The following EPB41L4B variants were observed in gnomAD, a reference collection of about 807,000 sequenced individuals.
The protein encoded by EPB41L4B is erythrocyte membrane protein band 4.1 like 4B.
A neutral mutation model predicts 112.5 loss-of-function variants in EPB41L4B; 30 were observed. The ratio of observed to expected loss-of-function variants is 0.27; its 90% CI spans 0.20 to 0.36. EPB41L4B has a LOEUF of 0.36. Ranked by LOEUF, EPB41L4B falls within the 10% of genes least tolerant of loss-of-function variation. The probability of loss-of-function intolerance (pLI) is 1.00; values close to 1 mark genes in which losing one functional copy is unlikely to be tolerated. For missense variants in EPB41L4B, 1,024 were observed against 1,133.3 expected (o/e 0.90, Z 1.38); for synonymous variants, 408 against 439.7 (o/e 0.93, Z 0.90).
At chr9:109,184,141 G>A (rs1832170677) in intron 23 of EPB41L4B, among the ~76,000 whole-genome samples, 1 of 152,246 alleles carries the variant, frequency 6.6e-6, no homozygotes, top group African/African-American at 2.4e-5. Flanking sequence ...TCAGCATGGT[G>A]CTCTGAGACC....
rs146864820 is a variant in EPB41L4B, at chr9:109,209,447, G to C, written c.1753-1398C>G. On this transcript the variant is annotated intron_variant, in intron 17 of 25. Transcript: ENST00000374566. ...AGGCCGGGGCGGGTGGATCACTTGA[G>C]CCCAGGAGTTGGAGACCAGCCTGGG... is the stretch of plus-strand genomic sequence containing the variant. Among the ~76,000 whole-genome samples, 612 of 151,984 alleles carry C rather than the reference G, an allele frequency of 4.0e-3. 2 individuals are homozygous for C. Among genetic ancestry groups the C allele is most frequent in the African/African-American group, 0.013 (547 of 41,464 alleles).
rs893172014 is a variant in EPB41L4B at position 109,251,879 on chromosome 9, T to C, written c.1280-368A>G. Among the ~76,000 whole-genome samples the C allele has an allele frequency of 5.3e-5, 8 of 152,110 alleles. No individual in the cohort carries two copies. In the South Asian group the frequency reaches 6.2e-4, roughly 12 times the overall value. The stretch of plus-strand genomic sequence containing the variant: ...CAGGGATGCAATATAAGCATGGGTC[T>C]GGACTGAGGGGCCTCGGGGACGCCG... On this transcript the variant is annotated intron_variant, in intron 12 of 25. Coordinates refer to ENST00000374566, the MANE Select transcript of EPB41L4B (RefSeq NM_019114.5).
intron 1 of EPB41L4B, among the ~76,000 whole-genome samples, chr9:109,286,919 A>T (rs1836308153): frequency 6.6e-6 from 1 of 152,204 alleles, no homozygotes; most frequent in African/African-American, 2.4e-5. Flanking sequence ...GTTCCCAAAC[A>T]CAGTAGACTC....
At position 109,176,629 on chromosome 9, in the gene EPB41L4B, G is replaced by T. The variant is rs370676693; in HGVS notation, c.2555C>A (p.Thr852Asn). 9 of 1,613,966 alleles carry T rather than the reference G, an allele frequency of 5.6e-6. No individual in the cohort carries two copies. The highest frequency in any genetic ancestry group is 5.9e-6 in the Non-Finnish European group (7 of 1,180,004). Residue 852 changes from threonine (T) to asparagine (N), a missense_variant, in exon 25 of 26, where the codon ACC becomes AAC. By Grantham distance (65) the Thr-to-Asn change is moderately conservative. Transcript: ENST00000374566. Reference protein sequence around the residue: ...GPTSPLIPAATLRPLTETVST... With the variant: ...GPTSPLIPAANLRPLTETVST... ...GACGGTCTCTGTCAAAGGCCTCAGGGTCGCTGCTGGGATCAGCGGGGAAGT... is the reference window on the plus strand; with the variant it reads ...GACGGTCTCTGTCAAAGGCCTCAGGTTCGCTGCTGGGATCAGCGGGGAAGT...
intron 16 of EPB41L4B, among the ~76,000 whole-genome samples, chr9:109,216,647 C>CAAAA (rs10568620): frequency 7.5e-6 from 1 of 132,592 alleles, no homozygotes; most frequent in Non-Finnish European, 1.6e-5. Context: ...GACTCCATCT[C>CAAAA]AAAAAAAAAA....
At chr9:109,293,735 T>A (rs192226519) in intron 1 of EPB41L4B, among the ~76,000 whole-genome samples, 4 of 149,476 alleles carry the variant, frequency 2.7e-5, no homozygotes, top group Admixed American at 6.6e-5. Context: ...AACTAAAAAC[T>A]GTTTTTTGAA....
At position 109,172,408 on chromosome 9, in the gene EPB41L4B, A is replaced by T. The variant is rs1831663137; in HGVS notation, c.*2146T>A. 6.6e-6 allele frequency: 1 copy of T among 152,198 alleles called. No individual in the cohort carries two copies. Among genetic ancestry groups the T allele is most frequent in the Non-Finnish European group, 1.5e-5 (1 of 68,032 alleles). 9.4% of individuals were successfully genotyped at this position (152,198 alleles called of 1,614,324 possible). A position where few individuals can be genotyped will look rare whatever the true frequency, so the allele number is the denominator to read the frequency against. The stretch of plus-strand genomic sequence containing the variant: ...TTGTATCATGTGCACAAGATAAAGA[A>T]CAGCTAAAGCTGTTTTAAAAGTATA... On this transcript the variant is annotated 3_prime_UTR_variant, in exon 26 of 26. Coordinates refer to ENST00000374566, the MANE Select transcript of EPB41L4B (RefSeq NM_019114.5).
At chr9:109,304,513 C>T (rs1837093567) in intron 1 of EPB41L4B, among the ~76,000 whole-genome samples, 1 of 152,160 alleles carries the variant, frequency 6.6e-6, no homozygotes, top group African/African-American at 2.4e-5. Context: ...TGAATTCTTC[C>T]TTGATGTTTC....
intron 2 of EPB41L4B, among the ~76,000 whole-genome samples, chr9:109,278,065 G>A (rs1835902983): frequency 1.3e-5 from 2 of 152,172 alleles, no homozygotes; most frequent in African/African-American, 4.8e-5. Context: ...CAAAGGCCTC[G>A]AGGGATGCGA....
chr9:109,312,279 T>C (rs551188604), intron 1 of EPB41L4B, among the ~76,000 whole-genome samples: 75 of 152,354 alleles, frequency 4.9e-4, no homozygotes, highest in Non-Finnish European at 9.4e-4. Flanking sequence ...ATGTTTTTCT[T>C]TGAGATAATT....
At chr9:109,290,147 GT>G (rs1836470539) in intron 1 of EPB41L4B, among the ~76,000 whole-genome samples, 1 of 152,182 alleles carries the variant, frequency 6.6e-6, no homozygotes, top group South Asian at 2.1e-4. Context: ...TTGGAAACTA[GT>G]TCTACCACTT....
chr9:109,276,202 C>CAA (rs1217905427), intron 2 of EPB41L4B, among the ~76,000 whole-genome samples: 1 of 124,814 alleles, frequency 8.0e-6, no homozygotes, highest in Non-Finnish European at 1.7e-5. Flanking sequence ...CACACACACA[C>CAA]AAATAACAAA....
chr9:109,258,402 CCG>C (rs1369972565), intron 6 of EPB41L4B, 105 bp from the exon 7 acceptor site: 8 of 1,213,670 alleles, frequency 6.6e-6, no homozygotes, highest in Non-Finnish European at 9.4e-6. Flanking sequence ...GCACAGCCCC[CCG>C]CCCCAATGTA....
intron 7 of EPB41L4B, 105 bp from the exon 8 acceptor site, chr9:109,256,585 G>T (rs1232659698): frequency 6.8e-5 from 60 of 878,806 alleles, no homozygotes; most frequent in Non-Finnish European, 9.4e-5. Context: ...TTAAAGCAAT[G>T]AGGGATGCCA....
At position 109,298,131 on chromosome 9, in the gene EPB41L4B, TG is replaced by T. The variant is rs201447561; in HGVS notation, c.307-18211del. Reference sequence around the variant, plus strand: ...CGTTCAGCTGGAGAAAAGAAAGGTGTGATGCTGACAGCCTCTCCTTAGGCTT... The same window carrying T: ...CGTTCAGCTGGAGAAAAGAAAGGTGTATGCTGACAGCCTCTCCTTAGGCTT... On this transcript the variant is annotated intron_variant, in intron 1 of 25. Transcript: ENST00000374566. 7.7e-3 allele frequency among the ~76,000 whole-genome samples: 1,173 copies of T among 152,246 alleles called. 12 individuals are homozygous for T. The highest frequency in any genetic ancestry group is 0.032 in the South Asian group (156 of 4,820).
At chr9:109,313,507 G>A (rs1837499954) in intron 1 of EPB41L4B, among the ~76,000 whole-genome samples, 1 of 152,242 alleles carries the variant, frequency 6.6e-6, no homozygotes, top group Non-Finnish European at 1.5e-5. Flanking sequence ...CAGAGTCACA[G>A]GCATCCTGGG....
In EPB41L4B at chr9:109,310,150, G is replaced by A. The variant is rs547393253; in HGVS notation, c.306+9991C>T. On this transcript the variant is annotated intron_variant, in intron 1 of 25. Coordinates refer to ENST00000374566, the MANE Select transcript of EPB41L4B (RefSeq NM_019114.5). Reference sequence around the variant, plus strand: ...ACAGGATCAATTCCAGTATATGCATGCAATGGAATAACTACAAAACAGTAA... The same window carrying A: ...ACAGGATCAATTCCAGTATATGCATACAATGGAATAACTACAAAACAGTAA... 1.1e-4 allele frequency among the ~76,000 whole-genome samples: 17 copies of A among 152,154 alleles called. No homozygotes were observed. The East Asian group carries it at 3.1e-3, about 28-fold the overall frequency.
intron 1 of EPB41L4B, among the ~76,000 whole-genome samples, chr9:109,281,670 CGA>C (rs1280426013): frequency 1.3e-5 from 2 of 150,380 alleles, no homozygotes; most frequent in Admixed American, 6.7e-5. Flanking sequence ...GGCGGTAGAG[CGA>C]GACTCCGTCT....
intron 1 of EPB41L4B, among the ~76,000 whole-genome samples, chr9:109,288,300 G>T: frequency 6.6e-6 from 1 of 152,184 alleles, no homozygotes; most frequent in East Asian, 1.9e-4. Flanking sequence ...AAAAGTTTCT[G>T]GGCCAGGCAT....
Sources: gnomAD v4.1 joint callset for allele counts (sites outside exome capture counted in the v4.1 genomes callset) on GRCh38, gnomAD v4.1.1 for gene constraint, MANE v1.5 for transcripts, NCBI Gene and HGNC (gene_info 2026-07-23, HGNC 2026-07-21) for gene names.